The following MBD5 variants were observed in gnomAD, a reference collection of about 807,000 sequenced individuals.
The protein encoded by MBD5 is methyl-CpG-binding domain protein 5.
A neutral mutation model predicts 117.3 loss-of-function variants in MBD5; 13 were observed. The observed-to-expected ratio is 0.11, with a 90% CI of 0.07 to 0.18. MBD5 has a LOEUF of 0.18. Among genes scored for constraint, MBD5 ranks in the 10% least tolerant of loss-of-function variants. MBD5 has a pLI of 1.00. For missense variants in MBD5, 1,879 were observed against 2,093.8 expected, an observed-to-expected ratio of 0.90 and a Z score of 2.00; for synonymous variants, 727 against 766.4, an observed-to-expected ratio of 0.95 and a Z score of 0.85.
At chr2:148,426,789 G>A (rs745642852) in intron 4 of MBD5, among the ~76,000 whole-genome samples, 87 of 152,066 alleles carry the variant, frequency 5.7e-4, no homozygotes, top group Non-Finnish European at 8.7e-4. Context: ...ACAAAAGCCA[G>A]AATTGACAAA....
At chr2:148,394,131 A>G (rs1290793475) in intron 4 of MBD5, among the ~76,000 whole-genome samples, 1 of 152,122 alleles carries the variant, frequency 6.6e-6, no homozygotes, top group Non-Finnish European at 1.5e-5. Context: ...GACATCCTAA[A>G]TTCACTGCGT....
intron 1 of MBD5, chr2:148,071,172 A>C (rs1405237052): frequency 6.6e-6 from 1 of 152,146 alleles, no homozygotes; most frequent in Non-Finnish European, 1.5e-5. Context: ...AAGATTTAAC[A>C]AAATAACAGA....
At chr2:148,341,591 A>T (rs998619261) in intron 3 of MBD5, among the ~76,000 whole-genome samples, 1 of 152,006 alleles carries the variant, frequency 6.6e-6, no homozygotes, top group South Asian at 2.1e-4. Context: ...GGTATTTTCC[A>T]TTTTAACTTA....
intron 1 of MBD5, chr2:148,027,460 T>C: frequency 6.6e-6 from 1 of 152,254 alleles, no homozygotes; most frequent in South Asian, 2.1e-4. Flanking sequence ...TTTGTGTCTC[T>C]TCTAAGTAAA....
intron 4 of MBD5, among the ~76,000 whole-genome samples, chr2:148,358,990 G>A (rs1703456812): frequency 6.6e-6 from 1 of 151,714 alleles, no homozygotes; most frequent in African/African-American, 2.4e-5. Context: ...GACGGGGTGT[G>A]GTGGCTCAAG....
At chr2:148,044,251 A>G (rs1377641411) in intron 1 of MBD5, 1 of 152,216 alleles carries the variant, frequency 6.6e-6, no homozygotes, top group Non-Finnish European at 1.5e-5. Context: ...TTTACTTCAC[A>G]GATAAATTTA....
chr2:148,124,863 A>G (rs1292687674), intron 1 of MBD5, among the ~76,000 whole-genome samples: 1 of 151,736 alleles, frequency 6.6e-6, no homozygotes, highest in Admixed American at 6.6e-5. Flanking sequence ...GAATCAAGGA[A>G]TAGTTATACA....
intron 4 of MBD5, among the ~76,000 whole-genome samples, chr2:148,366,046 T>G (rs185910969): frequency 6.6e-6 from 1 of 152,266 alleles, no homozygotes; most frequent in Admixed American, 6.5e-5. Flanking sequence ...CAGGCCAATA[T>G]CCTTGATGAA....
chr2:148,124,539 C>T (rs1260808003), intron 1 of MBD5, among the ~76,000 whole-genome samples: 3 of 152,038 alleles, frequency 2.0e-5, no homozygotes, highest in Middle Eastern at 3.4e-3. Flanking sequence ...CATTGTGCTA[C>T]GGAACTCCAG....
intron 3 of MBD5, among the ~76,000 whole-genome samples, chr2:148,314,536 C>A (rs566177331): frequency 6.6e-6 from 1 of 152,038 alleles, no homozygotes; most frequent in South Asian, 2.1e-4. Flanking sequence ...GCCACCACTC[C>A]CAGCTAATTT....
chr2:148,023,831 A>G (rs914812429), intron 1 of MBD5, among the ~76,000 whole-genome samples: 4 of 151,754 alleles, frequency 2.6e-5, no homozygotes, highest in South Asian at 2.1e-4. Context: ...CTTTATGGTT[A>G]GAAGATTGCA....
At chr2:148,317,726 G>T (rs1702187243) in intron 3 of MBD5, among the ~76,000 whole-genome samples, 1 of 151,832 alleles carries the variant, frequency 6.6e-6, no homozygotes, top group Non-Finnish European at 1.5e-5. Flanking sequence ...TTCTCTGTCT[G>T]AGTTATTTCA....
intron 4 of MBD5, among the ~76,000 whole-genome samples, chr2:148,427,141 G>GGCAAAAAAAATGGCAAACATTAAAA (rs1705820931): frequency 6.6e-6 from 1 of 152,134 alleles, no homozygotes. Context: ...TCATTAAAAA[G>GGCAAAAAAAATGGCAAACATTAAAA]TCAGGAAACA....
intron 3 of MBD5, among the ~76,000 whole-genome samples, chr2:148,337,959 A>G (rs1038309059): frequency 6.6e-6 from 1 of 152,154 alleles, no homozygotes; most frequent in Non-Finnish European, 1.5e-5. Context: ...AATGTAGCAG[A>G]TGATAGTTTA....
chr2:148,330,038 C>CACCG (rs1702593973), intron 3 of MBD5, among the ~76,000 whole-genome samples: 1 of 19,864 alleles, frequency 5.0e-5, no homozygotes, highest in Non-Finnish European at 1.1e-4. Context: ...TAAGAACCCC[C>CACCG]CCCCGCCCCC....
chr2:148,288,306 A>G (rs1008407251), intron 3 of MBD5, among the ~76,000 whole-genome samples: 3 of 112,076 alleles, frequency 2.7e-5, no homozygotes, highest in Non-Finnish European at 5.8e-5. Flanking sequence ...AGGCTGAGGC[A>G]GGAGAATGGC....
intron 1 of MBD5, among the ~76,000 whole-genome samples, chr2:148,065,510 C>G (rs530294465): frequency 1.3e-5 from 2 of 152,152 alleles, no homozygotes; most frequent in Admixed American, 6.5e-5. Context: ...AGTAACAGCT[C>G]AGAGGCAGTA....
At chr2:148,070,437 A>T (rs975074162) in intron 1 of MBD5, among the ~76,000 whole-genome samples, 1 of 152,200 alleles carries the variant, frequency 6.6e-6, no homozygotes. Flanking sequence ...TTAAAACATA[A>T]ATCATTAAGA....
intron 1 of MBD5, among the ~76,000 whole-genome samples, chr2:148,056,328 C>T (rs1380175933): frequency 6.6e-6 from 1 of 151,994 alleles, no homozygotes. Flanking sequence ...AAACCTTATG[C>T]CTTTTATTTC....
Sources: gnomAD v4.1 joint callset for allele counts (sites outside exome capture counted in the v4.1 genomes callset) on GRCh38, gnomAD v4.1.1 for gene constraint, MANE v1.5 for transcripts, NCBI Gene and HGNC (gene_info 2026-07-23, HGNC 2026-07-21) for gene names.